VSIG2: variants seen among roughly 807,000 people sequenced by gnomAD.
VSIG2 encodes V-set and immunoglobulin domain containing 2.
Under a neutral mutation model 29.4 loss-of-function variants are expected in VSIG2, and 30 were observed. The observed-to-expected ratio is 1.02, with a 90% CI of 0.76 to 1.38. The LOEUF (loss-of-function observed/expected upper bound fraction) is 1.38, where lower values mean the gene tolerates loss of function less well. VSIG2 is among the 40% of genes most tolerant of loss of function. VSIG2 has a pLI of 0.00. For synonymous variants in VSIG2, 178 were observed against 174.2 expected, an observed-to-expected ratio of 1.02 and a Z score of -0.17; for missense variants, 421 against 400.8, an observed-to-expected ratio of 1.05 and a Z score of -0.43.
At chr11:124,751,702 C>G in intron 1 of VSIG2, 122 bp from the exon 2 acceptor site, 3 of 1,119,064 alleles carry the variant, frequency 2.7e-6, no homozygotes, top group Non-Finnish European at 3.7e-6. Context: ...ACCCTCTCCC[C>G]TCAATCCAAC....
chr11:124,748,507 G>A lies in VSIG2; in HGVS notation c.734C>T (p.Ala245Val), dbSNP rs774895616. ...CACGCCCAGGAGCACCCCAATCAGA[G>A]CTCCGGCCACTCGGCCTTGGGAGGG... ...TEPSQGRVAG[A>V]LIGVLLGVLL... Residue 245 changes from alanine (A) to valine (V), a missense_variant, in exon 6 of 7, where the codon GCT becomes GTT. Physicochemically the swap from Ala to Val is moderately conservative, Grantham distance 64. Transcript: ENST00000326621. The A allele has an allele frequency of 2.5e-6, 4 of 1,614,154 alleles. No homozygotes were observed. The South Asian group carries it at 4.4e-5, about 18-fold the overall frequency.
chr11:124,749,276 T>A (rs910015300), intron 4 of VSIG2, among the ~76,000 whole-genome samples: 1 of 152,098 alleles, frequency 6.6e-6, no homozygotes, highest in Admixed American at 6.5e-5. Context: ...GAGAACTGGA[T>A]CCAGGAAGAG....
intron 4 of VSIG2, 130 bp downstream of exon 4, chr11:124,749,576 AAG>A: frequency 7.9e-7 from 1 of 1,261,034 alleles, no homozygotes; most frequent in Non-Finnish European, 1.1e-6. Flanking sequence ...GAAGCCAAGG[AAG>A]AGACAGGGAA....
In VSIG2 at chr11:124,752,068, C is replaced by T; in HGVS notation, c.61+9G>A. Reference sequence around the variant, plus strand: ...GCCCTCGCCGTGGTCCCGCCCGGCCCCTCCTCACCACTCAGGCACAGGAAG... The same window carrying T: ...GCCCTCGCCGTGGTCCCGCCCGGCCTCTCCTCACCACTCAGGCACAGGAAG... On this transcript the variant is annotated intron_variant, in intron 1 of 6. Coordinates refer to ENST00000326621, the MANE Select transcript of VSIG2 (RefSeq NM_014312.5). 6.2e-7 allele frequency: 1 copy of T among 1,603,536 alleles called. No homozygotes were observed.
rs766405238 is a variant in VSIG2, at chr11:124,750,843, T to TG, written c.297dup (p.Thr100HisfsTer11). 152 of 1,613,916 alleles carry TG rather than the reference T, an allele frequency of 9.4e-5. 1 individual carries two copies. In the Middle Eastern group the frequency reaches 1.6e-3, roughly 18 times the overall value. ...AGTTTCAGTGTGGCCACCCCCACTGTGGGGGGGTTCTGAAGCAGGCTGACC... is the reference window on the plus strand; with the variant it reads ...AGTTTCAGTGTGGCCACCCCCACTGTGGGGGGGGTTCTGAAGCAGGCTGACC... On this transcript the variant is annotated frameshift_variant, in exon 3 of 7. Transcript: ENST00000326621. LOFTEE classifies it high-confidence loss of function.
In VSIG2 at chr11:124,750,728, T is replaced by G. The variant is rs879432533; in HGVS notation, c.413A>C (p.Asn138Thr). ...DFYTNGLGLI[N>T]LTVLVPPSNP... is the part of the protein sequence containing the mutation. ...GTCTGCCTTACCCAGCACAGTAAGG[T>G]TGATTAGCCCCAACCCATTGGTGTA... Residue 138 changes from asparagine (N) to threonine (T), a missense_variant, in exon 3 of 7, where the codon AAC becomes ACC. Coordinates refer to ENST00000326621, the MANE Select transcript of VSIG2 (RefSeq NM_014312.5). 2 of 1,613,794 alleles carry G rather than the reference T, an allele frequency of 1.2e-6. No individual in the cohort carries two copies. The highest frequency in any genetic ancestry group is 4.5e-5 in the East Asian group (2 of 44,860).
In VSIG2 at chr11:124,747,485, G is replaced by A; in HGVS notation, c.*50C>T. 1 of 1,577,996 alleles carries A rather than the reference G, an allele frequency of 6.3e-7. No homozygotes were observed. Among genetic ancestry groups the A allele is most frequent in the Non-Finnish European group, 8.6e-7 (1 of 1,163,142 alleles). On this transcript the variant is annotated 3_prime_UTR_variant, in exon 7 of 7. Transcript: ENST00000326621. Reference sequence around the variant, plus strand: ...AGAAGGAGACAGTATGGTACCCACAGACTTTAATTATTGATATTCCCCCTC... The same window carrying A: ...AGAAGGAGACAGTATGGTACCCACAAACTTTAATTATTGATATTCCCCCTC...
rs1416556483 is a variant in VSIG2, at chr11:124,750,857, A to G, written c.284T>C (p.Leu95Pro). The G allele has an allele frequency of 6.2e-7, 1 of 1,614,156 alleles. No homozygotes were observed. The highest frequency in any genetic ancestry group is 8.5e-7 in the Non-Finnish European group (1 of 1,180,024). The part of the protein sequence containing the change: ...TGSKSKRVSL[L>P]QNPPTVGVAT... ...CACCCCCACTGTGGGGGGGTTCTGAAGCAGGCTGACCCGCTTTGACTTAGA... is the reference window on the plus strand; with the variant it reads ...CACCCCCACTGTGGGGGGGTTCTGAGGCAGGCTGACCCGCTTTGACTTAGA... The change falls in exon 3 of 7, where the codon CTT becomes CCT. Residue 95 changes from leucine (L) to proline (P), a missense_variant. Transcript: ENST00000326621.
intron 6 of VSIG2, 111 bp downstream of exon 6, chr11:124,748,276 ACCT>A (rs1346146311): frequency 8.2e-7 from 1 of 1,224,562 alleles, no homozygotes; most frequent in Non-Finnish European, 1.1e-6. Context: ...GCTGAACAAC[ACCT>A]CCTGCCCCTA....
At chr11:124,750,380 A>G (rs1269057647) in intron 3 of VSIG2, among the ~76,000 whole-genome samples, 1 of 152,156 alleles carries the variant, frequency 6.6e-6, no homozygotes, top group Admixed American at 6.5e-5. Flanking sequence ...CTTCTCTGCC[A>G]TTGACCTTGG....
intron 2 of VSIG2, 43 bp downstream of exon 2, chr11:124,751,380 C>T: frequency 6.2e-7 from 1 of 1,605,158 alleles, no homozygotes; most frequent in Admixed American, 1.7e-5. Context: ...GGGCTCCTGT[C>T]CCTCCAGGCC....
At position 124,751,588 on chromosome 11, in the gene VSIG2, C is replaced by T. The variant is rs200372313; in HGVS notation, c.62-8G>A. 9.5e-5 allele frequency: 150 copies of T among 1,577,590 alleles called. No homozygotes were observed. The East Asian group carries it at 3.2e-3, about 34-fold the overall frequency. ...TCACCTCCACGGCCAGCCCTGGGGC[C>T]GGGGACCAGAGGGAGGTGGGAACCC... On this transcript the variant is annotated splice_polypyrimidine_tract_variant and splice_region_variant and intron_variant, in intron 1 of 6. Coordinates refer to ENST00000326621, the MANE Select transcript of VSIG2 (RefSeq NM_014312.5).
In VSIG2 at chr11:124,749,870, CAAAAAAAA is replaced by C. The variant is rs757471583; in HGVS notation, c.428-12_428-5del. On this transcript the variant is annotated splice_polypyrimidine_tract_variant and splice_region_variant and intron_variant, in intron 3 of 6. Transcript: ENST00000326621. ...CATAAGGGATTACTGGGGGGAACTG[CAAAAAAAA>C]AAAAAAAAAAAAAAAAACAGAAAGT... 45 of 778,836 alleles carry C rather than the reference CAAAAAAAA, an allele frequency of 5.8e-5. No individual in the cohort carries two copies. Among genetic ancestry groups the C allele is most frequent in the Admixed American group, 2.8e-4 (3 of 10,726 alleles). The allele number at this position is 778,836 out of a possible 1,614,324, so 48.2% of individuals were successfully genotyped here. A position where few individuals can be genotyped will look rare whatever the true frequency, so the allele number is the denominator to read the frequency against.
intron 6 of VSIG2, 115 bp downstream of exon 6, chr11:124,748,275 C>T (rs1944039727): frequency 1.6e-6 from 2 of 1,221,826 alleles, no homozygotes; most frequent in East Asian, 2.3e-5. Context: ...GGCTGAACAA[C>T]ACCTCCTGCC....
rs368122986 is a variant in VSIG2, at chr11:124,750,753, A to G, written c.388T>C (p.Tyr130His). The change falls in exon 3 of 7, where the codon TAC (tyrosine) becomes CAC (histidine). Residue 130 changes from tyrosine to histidine, a missense_variant. Tyr to His is a moderately conservative substitution (Grantham distance 83). Coordinates refer to ENST00000326621, the MANE Select transcript of VSIG2 (RefSeq NM_014312.5). ...TTGATTAGCCCCAACCCATTGGTGT[A>G]GAAATCTGGTGGGTTGTTGACTTGG... is the stretch of plus-strand genomic sequence containing the variant. ...LCQVNNPPDF[Y>H]TNGLGLINLT... is the part of the protein sequence containing the mutation. 10 of 1,614,006 alleles carry G rather than the reference A, an allele frequency of 6.2e-6. No individual in the cohort carries two copies. The highest frequency in any genetic ancestry group is 1.7e-5 in the Admixed American group (1 of 60,000).
At position 124,752,107 on chromosome 11, in the gene VSIG2, C is replaced by T. The variant is rs770843983; in HGVS notation, c.31G>A (p.Gly11Arg). 5 of 1,606,392 alleles carry T rather than the reference C, an allele frequency of 3.1e-6. No homozygotes were observed. The highest frequency in any genetic ancestry group is 1.3e-5 in the African/African-American group (1 of 74,824). Residue 11 changes from glycine (G) to arginine (R), a missense_variant, in exon 1 of 7, where the codon GGG becomes AGG. By Grantham distance (125) the Gly-to-Arg change is moderately radical. Coordinates refer to ENST00000326621, the MANE Select transcript of VSIG2 (RefSeq NM_014312.5). ...AGGCACAGGAAGCCTAGCAGGGCCC[C>T]GCAGAGAAAGGGCCCCGGGAGCTCG... MAELPGPFLCGALLGFLCLSG... is the reference protein window; with the variant it reads MAELPGPFLCRALLGFLCLSG...
intron 1 of VSIG2, 71 bp from the exon 2 acceptor site, chr11:124,751,651 G>T (rs1944088439): frequency 2.1e-6 from 3 of 1,456,852 alleles, no homozygotes; most frequent in Non-Finnish European, 2.7e-6. Flanking sequence ...CCACCCCCGG[G>T]CATCTATATT....
rs560008973 is a variant in VSIG2, at chr11:124,748,646, G to C, written c.704C>G (p.Thr235Ser). Residue 235 changes from threonine (T) to serine (S), a missense_variant and splice_region_variant, in exon 5 of 7, where the codon ACC becomes AGC. Transcript: ENST00000326621. ...TGGCCTCCACCCAGCATCCCTACCG[G>C]TCACAGAGAGGGTCAGCTCACAGGA... ...SASCELTLSV[T>S]EPSQGRVAGA... The C allele has an allele frequency of 3.1e-6, 5 of 1,612,726 alleles. No individual in the cohort carries two copies.
intron 6 of VSIG2, 22 bp from the exon 7 acceptor site, chr11:124,747,689 T>C (rs773337398): frequency 1.5e-4 from 248 of 1,609,572 alleles, no homozygotes; most frequent in Non-Finnish European, 2.0e-4. Flanking sequence ...AGGCAAGTTC[T>C]GAGTGAACAG....
Sources: allele counts gnomAD v4.1 joint callset (sites outside exome capture counted in the v4.1 genomes callset), GRCh38; gene constraint gnomAD v4.1.1; transcripts MANE v1.5; gene names NCBI Gene and HGNC (gene_info 2026-07-23, HGNC 2026-07-21).